Variants in DST observed in about 807,000 individuals in gnomAD.
The protein encoded by DST is dystonin, also known as bullous pemphigoid antigen.
In DST, 253 loss-of-function variants were observed where a neutral mutation model predicts 875.2. The observed-to-expected ratio is 0.29, with a 90% CI of 0.26 to 0.32. The LOEUF is 0.32. Among genes scored for constraint, DST ranks in the 10% least tolerant of loss-of-function variants. DST has a pLI of 1.00. For synonymous variants in DST, 3,124 were observed against 3,197.1 expected (o/e 0.98, Z 0.77); for missense variants, 8,287 against 9,111.6 (o/e 0.91, Z 3.68).
chr6:56,635,480 T>A, intron 24 of DST, 109 bp downstream of exon 24: 1 of 1,105,262 alleles, frequency 9.0e-7, no homozygotes, highest in Non-Finnish European at 1.3e-6. Context: ...TGTAATTGAA[T>A]TAGTGGGAAA....
At chr6:56,631,757 A>G in intron 29 of DST, 126 bp downstream of exon 29, 1 of 844,556 alleles carries the variant, frequency 1.2e-6, no homozygotes, top group Non-Finnish European at 2.0e-6. Context: ...TTACACAATC[A>G]GACCTCACCT....
intron 61 of DST, chr6:56,541,227 T>C (rs1019856190): frequency 3.3e-5 from 5 of 152,656 alleles, no homozygotes; most frequent in African/African-American, 9.6e-5. Context: ...GTTCGAATGA[T>C]ATCACTATTT....
intron 37 of DST, among the ~76,000 whole-genome samples, chr6:56,613,718 G>A (rs2098576987): frequency 1.3e-5 from 2 of 152,158 alleles, no homozygotes; most frequent in African/African-American, 4.8e-5. Flanking sequence ...GCTTTAAGTG[G>A]TGCAGTCCAA....
At chr6:56,841,882 G>C (rs2099800504) in intron 4 of DST, among the ~76,000 whole-genome samples, 1 of 151,908 alleles carries the variant, frequency 6.6e-6, no homozygotes, top group Non-Finnish European at 1.5e-5. Context: ...ATGTGCTTTA[G>C]CCTAAAATAT....
Position 56,606,023 on chromosome 6 carries a change from A to G in DST, c.8605T>C (p.Leu2869=). 1 of 1,612,850 alleles carries G rather than the reference A, an allele frequency of 6.2e-7. No individual in the cohort carries two copies. The highest frequency in any genetic ancestry group is 1.1e-5 in the South Asian group (1 of 91,026). Residue 2869 remains leucine (L), a synonymous_variant, in exon 40 of 104, where the codon TTA becomes CTA. Transcript: ENST00000680361. ...ACATTTACCCTTTGCTGTTTTTCTA[A>G]AGAGCTACAACTGTGCATTTTATCC... ...LLDKMHSCSS[L]EKQQRVNVVQ...
chr6:56,678,699 C>A, intron 9 of DST, among the ~76,000 whole-genome samples: 1 of 152,230 alleles, frequency 6.6e-6, no homozygotes, highest in East Asian at 1.9e-4. Context: ...AAAAGCAGGA[C>A]ACAGATTTAC....
rs1320958076 is a variant in DST at position 56,720,997 on chromosome 6, ACGGGGCGG to A, written c.687+14223_687+14230del. 1.8e-3 allele frequency among the ~76,000 whole-genome samples: 262 copies of A among 148,720 alleles called. 4 individuals carry two copies. Among genetic ancestry groups the A allele is most frequent in the African/African-American group, 6.3e-3 (250 of 39,482 alleles). On this transcript the variant is annotated intron_variant, in intron 5 of 103. Coordinates refer to ENST00000680361, the MANE Select transcript of DST (RefSeq NM_001374736.1). ...AGAGGCGCCCCCCGCCACCTTCCAG[ACGGGGCGG>A]CTGCCGGGCGGGGGCAGCCCCCTCC...
intron 100 of DST, 159 bp downstream of exon 100, chr6:56,464,526 T>C: frequency 1.6e-6 from 1 of 621,306 alleles, no homozygotes; most frequent in Middle Eastern, 2.6e-4. Context: ...TCATCAAATT[T>C]TCAGAATTTA....
rs1318957119 is a variant in DST at position 56,615,626 on chromosome 6, T to C, written c.4930-1142A>G. ...ATCAGCTTTTTCTAAGGCTTCTTTA[T>C]ATGTCAACTTTCTTTTTGTCTGAGG... On this transcript the variant is annotated intron_variant, in intron 36 of 103. Transcript: ENST00000680361. 1.2e-6 allele frequency: 2 copies of C among 1,614,176 alleles called. No homozygotes were observed. The highest frequency in any genetic ancestry group is 1.7e-5 in the Admixed American group (1 of 60,018).
intron 86 of DST, among the ~76,000 whole-genome samples, chr6:56,489,112 C>G (rs1318147879): frequency 6.6e-6 from 1 of 152,126 alleles, no homozygotes; most frequent in Non-Finnish European, 1.5e-5. Context: ...CTTTTTACTA[C>G]AGAATTACCT....
Position 56,669,208 on chromosome 6 carries a change from T to C in DST, c.1214+1433A>G, listed in dbSNP as rs138308393. On this transcript the variant is annotated intron_variant, in intron 10 of 103. Coordinates refer to ENST00000680361, the MANE Select transcript of DST (RefSeq NM_001374736.1). The stretch of plus-strand genomic sequence containing the variant: ...TAGTTTAATGACTTTATAGTTTATA[T>C]ATAGTTTATAATTTAATGATGTCAT... Among the ~76,000 whole-genome samples the C allele has an allele frequency of 4.4e-3, 662 of 150,750 alleles. 1 individual carries two copies. Among genetic ancestry groups the C allele is most frequent in the African/African-American group, 0.015 (634 of 40,990 alleles).
Position 56,640,443 on chromosome 6 carries a change from G to C in DST, c.2190C>G (p.Thr730=), listed in dbSNP as rs756775878. 1 of 1,614,196 alleles carries C rather than the reference G, an allele frequency of 6.2e-7. No homozygotes were observed. The highest frequency in any genetic ancestry group is 8.5e-7 in the Non-Finnish European group (1 of 1,180,032). Residue 730 remains threonine, a synonymous_variant, in exon 18 of 104, where the codon ACC becomes ACG. Coordinates refer to ENST00000680361, the MANE Select transcript of DST (RefSeq NM_001374736.1). ...GFAQTLHPSL[T]SGLTQSLTPS... Reference sequence around the variant, plus strand: ...GTGTTAAACTCTGGGTCAGCCCTGAGGTCAGACTAGGGTGTAAGGTCTGTG... The same window carrying C: ...GTGTTAAACTCTGGGTCAGCCCTGACGTCAGACTAGGGTGTAAGGTCTGTG...
chr6:56,902,660 T>A (rs1306264610), intron 2 of DST, among the ~76,000 whole-genome samples: 8 of 152,222 alleles, frequency 5.3e-5, no homozygotes, highest in Non-Finnish European at 1.2e-4. Context: ...TTAGTCTTGT[T>A]CCCATCCCGC....
Position 56,604,618 on chromosome 6 carries a change from G to T in DST, c.10010C>A (p.Ser3337Tyr). Residue 3337 changes from serine to tyrosine, a missense_variant, in exon 40 of 104, where the codon TCC becomes TAC. Around this residue, in one of 10 missense-constraint regions of DST, gnomAD observed 3,138 missense variants for 3,116.6 expected, o/e 1.01. Transcript: ENST00000680361. Reference sequence around the variant, plus strand: ...AGGAATCTGAACCTCCTTTTCTTGGGATCTTGGAGACAAGGCTTGTTCTTT... The same window carrying T: ...AGGAATCTGAACCTCCTTTTCTTGGTATCTTGGAGACAAGGCTTGTTCTTT... ...LPKEQALSPR[S>Y]QEKEVQIPEL... 1 of 1,612,090 alleles carries T rather than the reference G, an allele frequency of 6.2e-7. No individual in the cohort carries two copies. The highest frequency in any genetic ancestry group is 1.1e-5 in the South Asian group (1 of 90,804).
rs184757319 is a variant in DST at position 56,633,701 on chromosome 6, C to T, written c.3621+431G>A. Reference sequence around the variant, plus strand: ...TTTTAGTAGAGACAGGGTTTCTCCACGTTGGTCAGGCTGGTCTCGAACTCC... The same window carrying T: ...TTTTAGTAGAGACAGGGTTTCTCCATGTTGGTCAGGCTGGTCTCGAACTCC... On this transcript the variant is annotated intron_variant, in intron 27 of 103. Transcript: ENST00000680361. Among the ~76,000 whole-genome samples, 116 of 150,906 alleles carry T rather than the reference C, an allele frequency of 7.7e-4. No homozygotes were observed. The South Asian group carries it at 0.02, about 26-fold the overall frequency.
intron 34 of DST, 84 bp from the exon 35 acceptor site, chr6:56,625,348 G>T: frequency 1.2e-6 from 1 of 863,882 alleles, no homozygotes; most frequent in Non-Finnish European, 2.0e-6. Context: ...CAGATAATTA[G>T]AACCTAGATT....
At chr6:56,774,799 C>G (rs1191315488) in intron 4 of DST, among the ~76,000 whole-genome samples, 1 of 152,016 alleles carries the variant, frequency 6.6e-6, no homozygotes, top group Non-Finnish European at 1.5e-5. Flanking sequence ...TCAAGACCAG[C>G]CTGACCAACA....
intron 9 of DST, among the ~76,000 whole-genome samples, chr6:56,698,378 T>G (rs971437552): frequency 5.9e-5 from 9 of 151,538 alleles, no homozygotes; most frequent in Non-Finnish European, 1.2e-4. Context: ...CAGGCTGGAG[T>G]GCAGTGGCGC....
chr6:56,837,455 T>C (rs17752106), intron 4 of DST, among the ~76,000 whole-genome samples: 24,549 of 152,040 alleles, frequency 0.16, 2,215 homozygotes, highest in Non-Finnish European at 0.18. Context: ...CCTAACCTGT[T>C]TCCCTGCCTG....
Sources: gnomAD v4.1 joint callset for allele counts (sites outside exome capture counted in the v4.1 genomes callset) on GRCh38, gnomAD v4.1.1 for gene constraint, gnomAD v4.1.1 regional missense constraint, MANE v1.5 for transcripts, NCBI Gene and HGNC (gene_info 2026-07-23, HGNC 2026-07-21) for gene names.